CEP85: variants seen among roughly 807,000 people sequenced by gnomAD.
CEP85 encodes centrosomal protein 85.
Under a neutral mutation model 93.7 loss-of-function variants are expected in CEP85, and 58 were observed. That is an observed-to-expected ratio of 0.62 (90% confidence interval 0.50 to 0.77). The LOEUF (loss-of-function observed/expected upper bound fraction) is 0.77, where lower values mean the gene tolerates loss of function less well. CEP85 is among the 30% of genes least tolerant of loss of function. The pLI, the probability that CEP85 is intolerant of heterozygous loss-of-function variation, is 0.00. For synonymous variants in CEP85, 314 were observed against 338.6 expected (o/e 0.93, Z 0.80); for missense variants, 868 against 922.0 (o/e 0.94, Z 0.76).
chr1:26,265,209 C>T (rs2089876192), intron 7 of CEP85, among the ~76,000 whole-genome samples: 1 of 152,048 alleles, frequency 6.6e-6, no homozygotes, highest in Non-Finnish European at 1.5e-5. Context: ...GTCTCAAACT[C>T]CTGACCTCAT....
At chr1:26,252,558 T>C (rs1036706695) in intron 3 of CEP85, among the ~76,000 whole-genome samples, 1 of 152,090 alleles carries the variant, frequency 6.6e-6, no homozygotes, top group African/African-American at 2.4e-5. Context: ...AAAATTGTAT[T>C]GCTTACTAGT....
intron 7 of CEP85, among the ~76,000 whole-genome samples, chr1:26,261,089 C>G (rs1404630537): frequency 6.6e-6 from 1 of 151,684 alleles, no homozygotes; most frequent in African/African-American, 2.4e-5. Context: ...CTGCACCCAG[C>G]TGGATTCTGC....
chr1:26,237,037 T>C (rs1401040251), intron 1 of CEP85, among the ~76,000 whole-genome samples: 1 of 152,172 alleles, frequency 6.6e-6, no homozygotes, highest in Admixed American at 6.5e-5. Flanking sequence ...TTAATGTTAA[T>C]GCTTTTCCTA....
At chr1:26,241,243 A>ATTTTTTTTTTTTTTTTTTTTTT (rs1433524136) in intron 2 of CEP85, among the ~76,000 whole-genome samples, 1 of 61,814 alleles carries the variant, frequency 1.6e-5, no homozygotes, top group Non-Finnish European at 3.5e-5. Flanking sequence ...CATTCAGCAG[A>ATTTTTTTTTTTTTTTTTTTTTT]ATTTTTTTTT....
chr1:26,265,768 C>T (rs2089884374), intron 7 of CEP85, among the ~76,000 whole-genome samples: 1 of 152,166 alleles, frequency 6.6e-6, no homozygotes, highest in South Asian at 2.1e-4. Context: ...TGTTCACTTT[C>T]ATCTTTTAAA....
At chr1:26,271,659 A>T in intron 10 of CEP85, 1 of 253,940 alleles carries the variant, frequency 3.9e-6, no homozygotes, top group Non-Finnish European at 7.6e-6. Flanking sequence ...GGCAAGCTTC[A>T]TTAGACTGAA....
chr1:26,267,885 T>C (rs1444052530), intron 7 of CEP85, among the ~76,000 whole-genome samples: 1 of 152,182 alleles, frequency 6.6e-6, no homozygotes, highest in East Asian at 1.9e-4. Flanking sequence ...AATTTACTCA[T>C]GATGGGATCT....
At chr1:26,274,813 A>G in intron 11 of CEP85, 151 bp from the exon 12 acceptor site, 1 of 605,544 alleles carries the variant, frequency 1.7e-6, no homozygotes, top group Admixed American at 3.1e-5. Context: ...TTTAAATGGG[A>G]GGTCACAAAT....
At chr1:26,237,710 G>T (rs138929779) in intron 1 of CEP85, among the ~76,000 whole-genome samples, 83 of 152,262 alleles carry the variant, frequency 5.5e-4, no homozygotes, top group African/African-American at 2.0e-3. Context: ...GTATACTTCA[G>T]TGTGGAATTG....
intron 6 of CEP85, among the ~76,000 whole-genome samples, chr1:26,259,143 A>G (rs1157346355): frequency 6.6e-6 from 1 of 152,208 alleles, no homozygotes; most frequent in Non-Finnish European, 1.5e-5. Context: ...AAACTAGTTA[A>G]TTCTTCGAAT....
At chr1:26,276,786 C>T (rs771679270) in intron 13 of CEP85, 26 bp downstream of exon 13, 2 of 1,572,762 alleles carry the variant, frequency 1.3e-6, no homozygotes, top group Non-Finnish European at 1.7e-6. Context: ...AGTCTGGGGC[C>T]CAGGAAGGAG....
At chr1:26,265,945 C>G (rs952005706) in intron 7 of CEP85, among the ~76,000 whole-genome samples, 1 of 151,880 alleles carries the variant, frequency 6.6e-6, no homozygotes, top group African/African-American at 2.4e-5. Context: ...CGGTGGCTCA[C>G]GCCTGTAATC....
rs1224605877 is a variant in CEP85, at chr1:26,278,738, A to G, written c.*1445A>G. 6.6e-5 allele frequency: 10 copies of G among 152,632 alleles called. No individual in the cohort carries two copies. The highest frequency in any genetic ancestry group is 2.4e-4 in the African/African-American group (10 of 41,444). The allele number at this position is 152,632 out of a possible 1,614,324, so 9.5% of individuals were successfully genotyped here. ...TCATAAAGTTTATAACCAGTTATTT[A>G]TATGAATCTTTGTTATGTCCATTTG... On this transcript the variant is annotated 3_prime_UTR_variant, in exon 14 of 14. Coordinates refer to ENST00000451429, the MANE Select transcript of CEP85 (RefSeq NM_001319944.2).
At chr1:26,256,928 G>GGGGGGTGTGTGTGT (rs1553159974) in intron 4 of CEP85, among the ~76,000 whole-genome samples, 6 of 111,404 alleles carry the variant, frequency 5.4e-5, no homozygotes, top group African/African-American at 2.0e-4. Flanking sequence ...GTTTTGTTTT[G>GGGGGGTGTGTGTGT]GTGTGTGTGT....
intron 1 of CEP85, among the ~76,000 whole-genome samples, chr1:26,239,052 T>C (rs182190742): frequency 3.1e-4 from 47 of 152,346 alleles, no homozygotes; most frequent in Admixed American, 3.0e-3. Context: ...GGTTTAGTTC[T>C]TTAGTTCTTT....
At chr1:26,248,459 G>A (rs2089544981) in intron 3 of CEP85, among the ~76,000 whole-genome samples, 2 of 151,924 alleles carry the variant, frequency 1.3e-5, no homozygotes, top group South Asian at 2.1e-4. Flanking sequence ...TAGTCTTCTC[G>A]AGATAGGGGT....
chr1:26,262,882 A>T (rs6689224), intron 7 of CEP85, among the ~76,000 whole-genome samples: 1 of 152,098 alleles, frequency 6.6e-6, no homozygotes, highest in Admixed American at 6.6e-5. Flanking sequence ...GATGATAGGC[A>T]CATGCCACCA....
chr1:26,273,535 A>G (rs1307165917), intron 11 of CEP85, among the ~76,000 whole-genome samples: 2 of 152,170 alleles, frequency 1.3e-5, no homozygotes, highest in Admixed American at 1.3e-4. Context: ...GGGGTTCTGC[A>G]AAGTTTGGAA....
chr1:26,257,762 C>T, intron 5 of CEP85, 32 bp downstream of exon 5: 1 of 1,612,348 alleles, frequency 6.2e-7, no homozygotes, highest in Non-Finnish European at 8.5e-7. Context: ...CAGAGCCAGA[C>T]TACTCTCCCA....
Sources: gnomAD v4.1 joint callset for allele counts (sites outside exome capture counted in the v4.1 genomes callset) on GRCh38, gnomAD v4.1.1 for gene constraint, MANE v1.5 for transcripts, NCBI Gene and HGNC (gene_info 2026-07-23, HGNC 2026-07-21) for gene names.